Variants in FAM111B observed in about 807,000 individuals in gnomAD.
FAM111B encodes FAM111 trypsin like peptidase B.
In FAM111B, 1 loss-of-function variant was observed where a neutral mutation model predicts 2.8. The ratio of observed to expected loss-of-function variants is 0.36; its 90% CI spans 0.13 to 1.70. The LOEUF is 1.70. Ranked by LOEUF, FAM111B falls within the 40% of genes most tolerant of loss-of-function variation. FAM111B has a pLI of 0.35. For missense variants in FAM111B, 882 were observed against 878.9 expected (o/e 1.00, Z -0.04); for synonymous variants, 297 against 295.6 (o/e 1.00, Z -0.05).
At chr11:59,119,932 C>A (rs1203426624) in intron 3 of FAM111B, among the ~76,000 whole-genome samples, 1 of 151,702 alleles carries the variant, frequency 6.6e-6, no homozygotes, top group African/African-American at 2.4e-5. Context: ...ATTTTTGAAA[C>A]AAAAAATATT....
intron 1 of FAM111B, among the ~76,000 whole-genome samples, chr11:59,108,101 A>AC (rs1859694242): frequency 6.6e-6 from 1 of 152,176 alleles, no homozygotes; most frequent in South Asian, 2.1e-4. Context: ...CCATAGCCAC[A>AC]CCCCGACATA....
intron 2 of FAM111B, 65 bp from the exon 3 acceptor site, chr11:59,109,475 C>T: frequency 1.9e-6 from 1 of 539,740 alleles, no homozygotes; most frequent in South Asian, 2.6e-5. Flanking sequence ...TGAGGTCCCA[C>T]ACCACCTGAT....
At chr11:59,114,451 G>C (rs1859809254) in intron 3 of FAM111B, among the ~76,000 whole-genome samples, 1 of 152,162 alleles carries the variant, frequency 6.6e-6, no homozygotes, top group South Asian at 2.1e-4. Flanking sequence ...CAGAGAGGAG[G>C]GGATGGAGTG....
In FAM111B at chr11:59,116,320, C is replaced by T. The variant is rs562561905; in HGVS notation, c.81+6614C>T. On this transcript the variant is annotated intron_variant, in intron 3 of 3. Coordinates refer to ENST00000343597, the MANE Select transcript of FAM111B (RefSeq NM_198947.4). Reference sequence around the variant, plus strand: ...ATTCTTACCAACAAAGAGTAACAGGCATCTCCAAATATGCCTGACCACACA... The same window carrying T: ...ATTCTTACCAACAAAGAGTAACAGGTATCTCCAAATATGCCTGACCACACA... Among the ~76,000 whole-genome samples, 4 of 152,298 alleles carry T rather than the reference C, an allele frequency of 2.6e-5. No homozygotes were observed. The East Asian group carries it at 7.7e-4, about 29-fold the overall frequency.
rs761176801 is a variant in FAM111B at position 59,124,903 on chromosome 11, CAAAA to C, written c.813_816del (p.Lys272HisfsTer26). ...GGAAAAGTCTTAGAAATGGACATTT[CAAAA>C]AAAAAAGCATTACAACAGAAAGATA... On this transcript the variant is annotated frameshift_variant, in exon 4 of 4. Transcript: ENST00000343597. LOFTEE classifies it low-confidence loss of function (END_TRUNC). 4 of 1,428,932 alleles carry C rather than the reference CAAAA, an allele frequency of 2.8e-6. No homozygotes were observed. The highest frequency in any genetic ancestry group is 4.9e-5 in the East Asian group (2 of 41,104). 88.5% of individuals were successfully genotyped at this position (1,428,932 alleles called of 1,614,324 possible). A position where few individuals can be genotyped will look rare whatever the true frequency, so the allele number is the denominator to read the frequency against.
At position 59,126,898 on chromosome 11, in the gene FAM111B, C is replaced by G. The variant is rs534424356; in HGVS notation, c.*596C>G. 3.7e-4 allele frequency: 58 copies of G among 158,104 alleles called. No homozygotes were observed. Among genetic ancestry groups the G allele is most frequent in the Non-Finnish European group, 7.1e-4 (48 of 68,040 alleles). The allele number at this position is 158,104 out of a possible 1,614,324, so 9.8% of individuals were successfully genotyped here. A position where few individuals can be genotyped will look rare whatever the true frequency, so the allele number is the denominator to read the frequency against. On this transcript the variant is annotated 3_prime_UTR_variant, in exon 4 of 4. Coordinates refer to ENST00000343597, the MANE Select transcript of FAM111B (RefSeq NM_198947.4). Reference sequence around the variant, plus strand: ...GCAATCTCATGACTGGGTATATGTCCAAAGGAATATAAATTGTTCTACCAT... The same window carrying G: ...GCAATCTCATGACTGGGTATATGTCGAAAGGAATATAAATTGTTCTACCAT...
chr11:59,114,029 T>C (rs1859803374), intron 3 of FAM111B, among the ~76,000 whole-genome samples: 1 of 152,104 alleles, frequency 6.6e-6, no homozygotes, highest in Admixed American at 6.6e-5. Context: ...AAATAGAAAG[T>C]TTTCGCTAGT....
In FAM111B at chr11:59,109,652, C is replaced by T; in HGVS notation, c.27C>T (p.Asn9=). The T allele has an allele frequency of 6.2e-7, 1 of 1,611,216 alleles. No individual in the cohort carries two copies. Among genetic ancestry groups the T allele is most frequent in the Non-Finnish European group, 8.5e-7 (1 of 1,178,570 alleles). The part of the protein sequence containing the change: MNSMKTEE[N]KSFSAMEDDQ... Reference sequence around the variant, plus strand: ...TGAATTCCATGAAGACTGAAGAAAACAAGTCATTTAGCGCTATGGAAGATG... The same window carrying T: ...TGAATTCCATGAAGACTGAAGAAAATAAGTCATTTAGCGCTATGGAAGATG... Residue 9 remains asparagine, a synonymous_variant, in exon 3 of 4, where the codon AAC becomes AAT. Transcript: ENST00000343597.
At chr11:59,114,426 T>G (rs1859808933) in intron 3 of FAM111B, among the ~76,000 whole-genome samples, 1 of 151,880 alleles carries the variant, frequency 6.6e-6, no homozygotes, top group Non-Finnish European at 1.5e-5. Context: ...GGCCTGAGAC[T>G]GGGAGCTGAA....
chr11:59,123,968 A>G (rs1859962852), intron 3 of FAM111B, among the ~76,000 whole-genome samples: 1 of 152,140 alleles, frequency 6.6e-6, no homozygotes, highest in East Asian at 1.9e-4. Context: ...AAACAAAATC[A>G]AAGTATACAG....
At position 59,124,306 on chromosome 11, in the gene FAM111B, A is replaced by G. The variant is rs756066195; in HGVS notation, c.209A>G (p.Gln70Arg). 62 of 1,613,788 alleles carry G rather than the reference A, an allele frequency of 3.8e-5. No individual in the cohort carries two copies. The highest frequency in any genetic ancestry group is 5.2e-5 in the Non-Finnish European group (61 of 1,179,840). Reference protein sequence around the residue: ...VNKHETALEMQNPNLNNKECC... With the variant: ...VNKHETALEMRNPNLNNKECC... Reference sequence around the variant, plus strand: ...AAGCATGAAACAGCCCTTGAAATGCAGAATCCAAATTTGAACAATAAAGAA... The same window carrying G: ...AAGCATGAAACAGCCCTTGAAATGCGGAATCCAAATTTGAACAATAAAGAA... Residue 70 changes from glutamine to arginine, a missense_variant, in exon 4 of 4, where the codon CAG (glutamine) becomes CGG (arginine). Coordinates refer to ENST00000343597, the MANE Select transcript of FAM111B (RefSeq NM_198947.4).
chr11:59,123,570 A>T (rs1369172001), intron 3 of FAM111B, among the ~76,000 whole-genome samples: 1 of 152,230 alleles, frequency 6.6e-6, no homozygotes, highest in Non-Finnish European at 1.5e-5. Flanking sequence ...AAGTTTTGTC[A>T]TATTTAGAAT....
rs771073776 is a variant in FAM111B at position 59,124,924 on chromosome 11, A to C, written c.827A>C (p.Gln276Pro). Reference sequence around the variant, plus strand: ...ATTTCAAAAAAAAAAGCATTACAACAGAAAGATATCCATAAAAAAATTAAA... The same window carrying C: ...ATTTCAAAAAAAAAAGCATTACAACCGAAAGATATCCATAAAAAAATTAAA... ...MDISKKKALQ[Q>P]KDIHKKIKQN... is the part of the protein sequence containing the mutation. The change falls in exon 4 of 4, where the codon CAG becomes CCG. Residue 276 changes from glutamine to proline, a missense_variant. Coordinates refer to ENST00000343597, the MANE Select transcript of FAM111B (RefSeq NM_198947.4). 1 of 1,605,634 alleles carries C rather than the reference A, an allele frequency of 6.2e-7. No homozygotes were observed. The highest frequency in any genetic ancestry group is 1.1e-5 in the South Asian group (1 of 88,548).
chr11:59,112,976 C>T (rs543537587), intron 3 of FAM111B, among the ~76,000 whole-genome samples: 22 of 152,048 alleles, frequency 1.4e-4, no homozygotes, highest in South Asian at 1.2e-3. Context: ...ATTCCTGTTT[C>T]GGGAGGGAAA....
chr11:59,126,176 T>A lies in FAM111B; in HGVS notation c.2079T>A (p.Asp693Glu). ...FGYSMDSILCDIKKTNESLYK... is the reference protein window; with the variant it reads ...FGYSMDSILCEIKKTNESLYK... ...ATTCTATGGATTCTATTCTTTGTGA[T>A]ATTAAAAAGACAAATGAGAGCTTGT... Residue 693 changes from aspartate to glutamate, a missense_variant, in exon 4 of 4, where the codon GAT (aspartate) becomes GAA (glutamate). Physicochemically the swap from Asp to Glu is conservative, Grantham distance 45. Transcript: ENST00000343597. The A allele has an allele frequency of 6.2e-7, 1 of 1,611,612 alleles. No individual in the cohort carries two copies. Among genetic ancestry groups the A allele is most frequent in the Non-Finnish European group, 8.5e-7 (1 of 1,179,250 alleles).
rs192950421 is a variant in FAM111B, at chr11:59,121,546, T to C, written c.82-2633T>C. Among the ~76,000 whole-genome samples, 22 of 152,342 alleles carry C rather than the reference T, an allele frequency of 1.4e-4. No individual in the cohort carries two copies. The East Asian group carries it at 4.2e-3, about 29-fold the overall frequency. On this transcript the variant is annotated intron_variant, in intron 3 of 3. Transcript: ENST00000343597. The stretch of plus-strand genomic sequence containing the variant: ...ATGTTAAATAATATGGCAATATCTA[T>C]TATAATAAAGATGATTACTCATTTT...
Position 59,126,130 on chromosome 11 carries a change from A to G in FAM111B, c.2033A>G (p.His678Arg), listed in dbSNP as rs770933468. The change falls in exon 4 of 4, where the codon CAT (histidine) becomes CGT (arginine). Residue 678 changes from histidine (H) to arginine (R), a missense_variant. Coordinates refer to ENST00000343597, the MANE Select transcript of FAM111B (RefSeq NM_198947.4). ...GLFYQRGFNV[H>R]ALIEFGYSMD... ...TTTTATCAACGAGGATTTAATGTGC[A>G]TGCCCTTATTGAATTTGGTTATTCT... 12 of 1,613,118 alleles carry G rather than the reference A, an allele frequency of 7.4e-6. No homozygotes were observed. In the East Asian group the frequency reaches 2.7e-4, roughly 36 times the overall value.
intron 3 of FAM111B, among the ~76,000 whole-genome samples, chr11:59,121,251 A>G (rs535568200): frequency 6.6e-6 from 1 of 152,210 alleles, no homozygotes; most frequent in Non-Finnish European, 1.5e-5. Context: ...AATATTTAAA[A>G]TACTCCTAGA....
Position 59,125,937 on chromosome 11 carries a change from TATG to T in FAM111B, c.1843_1845del (p.Asp615del). 2.5e-6 allele frequency: 4 copies of T among 1,613,886 alleles called. No individual in the cohort carries two copies. Among genetic ancestry groups the T allele is most frequent in the Non-Finnish European group, 3.4e-6 (4 of 1,179,828 alleles). On this transcript the variant is annotated inframe_deletion, in exon 4 of 4. Transcript: ENST00000343597. ...TTGTCAAGATGGGTTGGTAGATCTC[TATG>T]ATACCACCAGTAATGTATACTGTAT...
Sources: gnomAD v4.1 joint callset for allele counts (sites outside exome capture counted in the v4.1 genomes callset) on GRCh38, gnomAD v4.1.1 for gene constraint, MANE v1.5 for transcripts, NCBI Gene and HGNC (gene_info 2026-07-23, HGNC 2026-07-21) for gene names.